GJA1: variants seen among roughly 807,000 people sequenced by gnomAD.
GJA1 encodes gap junction protein alpha 1, also known as gap junction alpha-1 protein.
In GJA1, 9 loss-of-function variants were observed where a neutral mutation model predicts 31.0. The observed-to-expected ratio is 0.29, with a 90% CI of 0.17 to 0.51. The LOEUF is 0.51. GJA1 is among the 20% of genes least tolerant of loss of function. The pLI is 0.98. For missense variants in GJA1, 278 were observed against 468.8 expected, an observed-to-expected ratio of 0.59 and a Z score of 3.76; for synonymous variants, 186 against 180.1, an observed-to-expected ratio of 1.03 and a Z score of -0.26.
chr6:121,446,367 G>T (rs1453126105), intron 1 of GJA1, among the ~76,000 whole-genome samples: 1 of 152,184 alleles, frequency 6.6e-6, no homozygotes, highest in Non-Finnish European at 1.5e-5. Flanking sequence ...TGGAAAGAAG[G>T]TTATGGATGT....
chr6:121,440,948 C>CT (rs1773767809), intron 1 of GJA1, among the ~76,000 whole-genome samples: 1 of 144,106 alleles, frequency 6.9e-6, no homozygotes. Context: ...TGTTGTTTGT[C>CT]GTTTTTTTCT....
At chr6:121,438,457 C>A (rs1266572458) in intron 1 of GJA1, among the ~76,000 whole-genome samples, 1 of 152,138 alleles carries the variant, frequency 6.6e-6, no homozygotes, top group Non-Finnish European at 1.5e-5. Flanking sequence ...GTTTCCAATT[C>A]CTGCATAGAG....
intron 1 of GJA1, among the ~76,000 whole-genome samples, chr6:121,444,754 T>C (rs1773856569): frequency 6.6e-6 from 1 of 152,254 alleles, no homozygotes; most frequent in South Asian, 2.1e-4. Context: ...AGTCTTAGCT[T>C]TGCTTGTTTT....
At position 121,447,336 on chromosome 6, in the gene GJA1, T is replaced by C. The variant is rs1221241672; in HGVS notation, c.489T>C (p.Ser163=). 1 of 1,614,130 alleles carries C rather than the reference T, an allele frequency of 6.2e-7. No individual in the cohort carries two copies. The highest frequency in any genetic ancestry group is 2.2e-5 in the East Asian group (1 of 44,882). The part of the protein sequence containing the change: ...RTYIISILFK[S]IFEVAFLLIQ... The stretch of plus-strand genomic sequence containing the variant: ...ACATCATCAGTATCCTCTTCAAGTC[T>C]ATCTTTGAGGTGGCCTTCTTGCTGA... The change falls in exon 2 of 2, where the codon TCT becomes TCC. Residue 163 remains serine (S), a synonymous_variant. Transcript: ENST00000282561.
At chr6:121,436,744 C>T (rs3805788) in intron 1 of GJA1, among the ~76,000 whole-genome samples, 3,746 of 152,200 alleles carry the variant, frequency 0.025, 201 homozygotes, top group East Asian at 0.21. Flanking sequence ...GGGAGCTCCC[C>T]CCGCCAACAC....
At chr6:121,438,899 C>A (rs1562171262) in intron 1 of GJA1, among the ~76,000 whole-genome samples, 1 of 151,680 alleles carries the variant, frequency 6.6e-6, no homozygotes, top group African/African-American at 2.4e-5. Context: ...TATTTTCAAA[C>A]TGTGGTTAGC....
chr6:121,441,087 T>C (rs35586997), intron 1 of GJA1, among the ~76,000 whole-genome samples: 43,013 of 151,120 alleles, frequency 0.28, 6,284 homozygotes, highest in Non-Finnish European at 0.29. Flanking sequence ...GGACTACAGG[T>C]GCCCGCCACC....
At chr6:121,444,408 T>G (rs1307092896) in intron 1 of GJA1, among the ~76,000 whole-genome samples, 1 of 152,194 alleles carries the variant, frequency 6.6e-6, no homozygotes, top group African/African-American at 2.4e-5. Context: ...AATGTACCCA[T>G]GATACCGTGG....
At chr6:121,436,230 A>G (rs1325458672) in intron 1 of GJA1, among the ~76,000 whole-genome samples, 1 of 146,596 alleles carries the variant, frequency 6.8e-6, no homozygotes, top group Non-Finnish European at 1.5e-5. Flanking sequence ...TTGACTGACT[A>G]CATCGGAAAA....
intron 1 of GJA1, among the ~76,000 whole-genome samples, chr6:121,436,985 A>G (rs1007037522): frequency 1.3e-5 from 2 of 152,252 alleles, no homozygotes; most frequent in Non-Finnish European, 2.9e-5. Context: ...ACAAACTAAA[A>G]TAATTAGTTT....
Position 121,447,921 on chromosome 6 carries a change from T to G in GJA1, c.1074T>G (p.Ile358Met), listed in dbSNP as rs1256963143. Residue 358 changes from isoleucine to methionine, a missense_variant, in exon 2 of 2, where the codon ATT becomes ATG. Physicochemically the swap from Ile to Met is conservative, Grantham distance 10 (BLOSUM62 1). Coordinates refer to ENST00000282561, the MANE Select transcript of GJA1 (RefSeq NM_000165.5). ...AAGHELQPLA[I>M]VDQRPSSRAS... ...GACATGAATTACAGCCACTAGCCAT[T>G]GTGGACCAGCGACCTTCAAGCAGAG... 3 of 1,613,736 alleles carry G rather than the reference T, an allele frequency of 1.9e-6. No individual in the cohort carries two copies. The highest frequency in any genetic ancestry group is 1.1e-5 in the South Asian group (1 of 91,060).
rs755999137 is a variant in GJA1, at chr6:121,448,032, G to T, written c.*36G>T. ...GAAAGCATCAAGATTCCACTCAATT[G>T]TGGAGAAGAAAAAAGGTGCTGTAGA... is the stretch of plus-strand genomic sequence containing the variant. On this transcript the variant is annotated 3_prime_UTR_variant, in exon 2 of 2. Coordinates refer to ENST00000282561, the MANE Select transcript of GJA1 (RefSeq NM_000165.5). 1 of 1,583,658 alleles carries T rather than the reference G, an allele frequency of 6.3e-7. No homozygotes were observed. Among genetic ancestry groups the T allele is most frequent in the Non-Finnish European group, 8.7e-7 (1 of 1,152,506 alleles).
At chr6:121,440,434 TC>T (rs955877851) in intron 1 of GJA1, among the ~76,000 whole-genome samples, 1 of 152,152 alleles carries the variant, frequency 6.6e-6, no homozygotes, top group Non-Finnish European at 1.5e-5. Context: ...TTAATTTAGC[TC>T]TTTTGCCTGC....
At chr6:121,438,485 G>C (rs1773707095) in intron 1 of GJA1, among the ~76,000 whole-genome samples, 1 of 152,130 alleles carries the variant, frequency 6.6e-6, no homozygotes, top group African/African-American at 2.4e-5. Flanking sequence ...GAAAACACGG[G>C]GTGCATTCTT....
chr6:121,449,568 A>G lies in GJA1; in HGVS notation c.*1572A>G, dbSNP rs536283987. 7 of 167,212 alleles carry G rather than the reference A, an allele frequency of 4.2e-5. No individual in the cohort carries two copies. The highest frequency in any genetic ancestry group is 1.7e-4 in the African/African-American group (7 of 41,584). The allele number at this position is 167,212 out of a possible 1,614,324, so 10.4% of individuals were successfully genotyped here. On this transcript the variant is annotated 3_prime_UTR_variant, in exon 2 of 2. Coordinates refer to ENST00000282561, the MANE Select transcript of GJA1 (RefSeq NM_000165.5). ...CTTCTTGCATGCATGTCAGCTACAT[A>G]AACAGTTTTGTACAATGAAAATTAC...
chr6:121,436,455 C>T (rs1773664830), intron 1 of GJA1, among the ~76,000 whole-genome samples: 1 of 152,106 alleles, frequency 6.6e-6, no homozygotes, highest in African/African-American at 2.4e-5. Flanking sequence ...GTATAAAATT[C>T]AAGAGTATTA....
At chr6:121,436,206 C>A (rs1582552016) in intron 1 of GJA1, among the ~76,000 whole-genome samples, 1 of 115,162 alleles carries the variant, frequency 8.7e-6, no homozygotes, top group Non-Finnish European at 1.8e-5. Flanking sequence ...GGTTAGGCGC[C>A]TGGGTTGGGG....
chr6:121,446,570 C>A (rs564135023), intron 1 of GJA1, among the ~76,000 whole-genome samples: 1 of 152,298 alleles, frequency 6.6e-6, no homozygotes, highest in East Asian at 1.9e-4. Context: ...AAGCAATACA[C>A]CTTCCCAGGT....
At chr6:121,442,952 C>T (rs1773819002) in intron 1 of GJA1, among the ~76,000 whole-genome samples, 1 of 152,286 alleles carries the variant, frequency 6.6e-6, no homozygotes, top group East Asian at 1.9e-4. Flanking sequence ...ATATAAAGCA[C>T]CAACTCAGTA....
Sources: gnomAD v4.1 joint callset for allele counts (sites outside exome capture counted in the v4.1 genomes callset) on GRCh38, gnomAD v4.1.1 for gene constraint, MANE v1.5 for transcripts, NCBI Gene and HGNC (gene_info 2026-07-23, HGNC 2026-07-21) for gene names.